MSRA: variants seen among roughly 807,000 people sequenced by gnomAD.
MSRA encodes the protein mitochondrial peptide methionine sulfoxide reductase.
In MSRA, 54 loss-of-function variants were observed where a neutral mutation model predicts 31.3. The observed-to-expected ratio is 1.73, with a 90% CI of 1.39 to 2.17. The LOEUF is 2.17. MSRA is among the 30% of genes most tolerant of loss of function. The pLI, the probability that MSRA is intolerant of heterozygous loss-of-function variation, is 0.00. For missense variants in MSRA, 507 were observed against 300.9 expected (o/e 1.69, Z -5.07); for synonymous variants, 169 against 116.5 (o/e 1.45, Z -2.90).
rs143536834 is a variant in MSRA, at chr8:10,375,300, G to T, written c.544-52848G>T. ...GCAGTCTGACTGATTATCAGGCTTAGCCTGATCAGGAGCTGTTGGCATTAC... is the reference window on the plus strand; with the variant it reads ...GCAGTCTGACTGATTATCAGGCTTATCCTGATCAGGAGCTGTTGGCATTAC... On this transcript the variant is annotated intron_variant, in intron 5 of 5. Transcript: ENST00000317173. 5.5e-4 allele frequency among the ~76,000 whole-genome samples: 84 copies of T among 152,340 alleles called. 1 individual carries two copies. The highest frequency in any genetic ancestry group is 3.4e-3 in the Middle Eastern group (1 of 294).
chr8:10,161,124 T>A (rs1035685322), intron 1 of MSRA, among the ~76,000 whole-genome samples: 1 of 152,168 alleles, frequency 6.6e-6, no homozygotes, highest in Non-Finnish European at 1.5e-5. Flanking sequence ...CTAAATACGG[T>A]CTGTGTGAAT....
At chr8:10,312,837 A>G (rs1192005069) in intron 4 of MSRA, among the ~76,000 whole-genome samples, 3 of 152,234 alleles carry the variant, frequency 2.0e-5, no homozygotes, top group Non-Finnish European at 4.4e-5. Flanking sequence ...TACTGAATAC[A>G]ATTCAGTATT....
chr8:10,161,721 G>A (rs1804666768), intron 1 of MSRA, among the ~76,000 whole-genome samples: 1 of 152,068 alleles, frequency 6.6e-6, no homozygotes, highest in Non-Finnish European at 1.5e-5. Context: ...AAGCCAGGCT[G>A]ACCTTCCTTG....
intron 5 of MSRA, among the ~76,000 whole-genome samples, chr8:10,337,976 A>G (rs1455055743): frequency 6.6e-6 from 1 of 152,168 alleles, no homozygotes; most frequent in African/African-American, 2.4e-5. Context: ...CCAGGAAAGC[A>G]GGGGTTAGGG....
At chr8:10,093,584 C>T (rs1459591866) in intron 1 of MSRA, among the ~76,000 whole-genome samples, 2 of 152,048 alleles carry the variant, frequency 1.3e-5, no homozygotes, top group Non-Finnish European at 2.9e-5. Flanking sequence ...AAAAAGAGTA[C>T]ATTTATCCCA....
intron 1 of MSRA, among the ~76,000 whole-genome samples, chr8:10,160,493 T>C (rs577471500): frequency 1.4e-5 from 2 of 139,360 alleles, no homozygotes; most frequent in Non-Finnish European, 3.1e-5. Context: ...AGACTCCATC[T>C]AAAAAAAAAA....
chr8:10,174,761 C>A (rs1805891606), intron 1 of MSRA, among the ~76,000 whole-genome samples: 1 of 152,220 alleles, frequency 6.6e-6, no homozygotes, highest in South Asian at 2.1e-4. Context: ...TGCACTCAGA[C>A]ATCCAACTGG....
chr8:10,280,653 C>T (rs1183722359), intron 3 of MSRA, among the ~76,000 whole-genome samples: 1 of 152,158 alleles, frequency 6.6e-6, no homozygotes, highest in Admixed American at 6.5e-5. Flanking sequence ...TATGACTCAG[C>T]AATTCTACTC....
chr8:10,099,889 A>G (rs940518935), intron 1 of MSRA, among the ~76,000 whole-genome samples: 3 of 152,086 alleles, frequency 2.0e-5, no homozygotes, highest in Non-Finnish European at 4.4e-5. Flanking sequence ...AGCATCCCAT[A>G]TTGTACTTTA....
At chr8:10,073,811 A>G (rs578171249) in intron 1 of MSRA, among the ~76,000 whole-genome samples, 4 of 152,180 alleles carry the variant, frequency 2.6e-5, no homozygotes, top group South Asian at 2.1e-4. Context: ...GATAACTTCT[A>G]TTAATTCTGT....
chr8:10,252,941 A>T (rs967778151), intron 3 of MSRA, among the ~76,000 whole-genome samples: 1 of 152,170 alleles, frequency 6.6e-6, no homozygotes, highest in Non-Finnish European at 1.5e-5. Flanking sequence ...GGTCTCTCAT[A>T]CTCACGTAGG....
intron 1 of MSRA, among the ~76,000 whole-genome samples, chr8:10,186,709 G>A (rs558228343): frequency 6.6e-6 from 1 of 152,294 alleles, no homozygotes; most frequent in East Asian, 1.9e-4. Flanking sequence ...AAAGGGATTT[G>A]GGGTAGTAGT....
chr8:10,315,332 G>T (rs1801651438), intron 4 of MSRA, among the ~76,000 whole-genome samples: 1 of 152,172 alleles, frequency 6.6e-6, no homozygotes, highest in South Asian at 2.1e-4. Flanking sequence ...AAAACCAGGT[G>T]TGGTACAACC....
intron 4 of MSRA, among the ~76,000 whole-genome samples, chr8:10,318,060 G>A (rs900367275): frequency 2.0e-5 from 3 of 152,206 alleles, no homozygotes; most frequent in African/African-American, 7.2e-5. Context: ...GGGCTGGGAT[G>A]CCCCCTCCCC....
At chr8:10,229,749 C>T (rs1007703248) in intron 2 of MSRA, among the ~76,000 whole-genome samples, 1 of 152,110 alleles carries the variant, frequency 6.6e-6, no homozygotes, top group South Asian at 2.1e-4. Context: ...CCTGAGGCCA[C>T]ACAGTAAGTG....
intron 1 of MSRA, among the ~76,000 whole-genome samples, chr8:10,198,859 G>C (rs917748103): frequency 6.6e-6 from 1 of 152,108 alleles, no homozygotes. Flanking sequence ...TGGCATTCTT[G>C]GTACCTATTG....
At chr8:10,093,886 T>G (rs919734718) in intron 1 of MSRA, among the ~76,000 whole-genome samples, 1 of 152,190 alleles carries the variant, frequency 6.6e-6, no homozygotes, top group Non-Finnish European at 1.5e-5. Flanking sequence ...GACATAGAAT[T>G]CTTGGTTGAC....
intron 2 of MSRA, among the ~76,000 whole-genome samples, chr8:10,225,510 A>G (rs1274535173): frequency 1.3e-5 from 2 of 152,346 alleles, no homozygotes; most frequent in Middle Eastern, 3.4e-3. Context: ...TAGAAGTGGG[A>G]AAAATTCTTT....
In MSRA at chr8:10,383,945, C is replaced by G. The variant is rs148787355; in HGVS notation, c.544-44203C>G. 3.6e-3 allele frequency among the ~76,000 whole-genome samples: 542 copies of G among 152,282 alleles called. 5 individuals carry two copies. The highest frequency in any genetic ancestry group is 0.012 in the African/African-American group (508 of 41,542). Reference sequence around the variant, plus strand: ...ATTCCTCATACGCTCATCCCCACTGCTTTCCCAGGGGCTCAGAGGGTGAGG... The same window carrying G: ...ATTCCTCATACGCTCATCCCCACTGGTTTCCCAGGGGCTCAGAGGGTGAGG... On this transcript the variant is annotated intron_variant, in intron 5 of 5. Coordinates refer to ENST00000317173, the MANE Select transcript of MSRA (RefSeq NM_012331.5).
Sources: gnomAD v4.1 joint callset for allele counts (sites outside exome capture counted in the v4.1 genomes callset) on GRCh38, gnomAD v4.1.1 for gene constraint, MANE v1.5 for transcripts, NCBI Gene and HGNC (gene_info 2026-07-23, HGNC 2026-07-21) for gene names.